The following RNF17 variants were observed in gnomAD, a reference collection of about 807,000 sequenced individuals.
RNF17 encodes ring finger protein 17, also known as spermatogenesis associated 23.
A neutral mutation model predicts 200.5 loss-of-function variants in RNF17; 31 were observed. The observed-to-expected ratio is 0.15, with a 90% CI of 0.12 to 0.21. RNF17 has a LOEUF of 0.21. Among genes scored for constraint, RNF17 ranks in the 10% least tolerant of loss-of-function variants. The pLI is 1.00. For synonymous variants in RNF17, 606 were observed against 637.8 expected, an observed-to-expected ratio of 0.95 and a Z score of 0.75; for missense variants, 1,628 against 1,905.1, an observed-to-expected ratio of 0.85 and a Z score of 2.71.
In RNF17 at chr13:24,851,517, G is replaced by C; in HGVS notation, c.3266G>C (p.Arg1089Pro). 6.2e-7 allele frequency: 1 copy of C among 1,613,734 alleles called. No individual in the cohort carries two copies. The highest frequency in any genetic ancestry group is 1.1e-5 in the South Asian group (1 of 90,920). ...KIFCRDEKGERVDVSKYLIKK... is the reference protein window; with the variant it reads ...KIFCRDEKGEPVDVSKYLIKK... Reference sequence around the variant, plus strand: ...TTCTGCAGAGATGAAAAAGGAGAGCGTGTTGATGTTTCTAAATATTTGATT... The same window carrying C: ...TTCTGCAGAGATGAAAAAGGAGAGCCTGTTGATGTTTCTAAATATTTGATT... The change falls in exon 24 of 36, where the codon CGT (arginine) becomes CCT (proline). Residue 1089 changes from arginine to proline, a missense_variant. Physicochemically the swap from Arg to Pro is moderately radical, Grantham distance 103. Coordinates refer to ENST00000255324, the MANE Select transcript of RNF17 (RefSeq NM_031277.3).
At chr13:24,786,112 C>T (rs1368849114) in intron 6 of RNF17, among the ~76,000 whole-genome samples, 1 of 152,050 alleles carries the variant, frequency 6.6e-6, no homozygotes, top group Non-Finnish European at 1.5e-5. Context: ...TACTGCCTTT[C>T]TTTGTGTTTA....
intron 33 of RNF17, 40 bp downstream of exon 33, chr13:24,874,289 T>TG: frequency 1.3e-6 from 2 of 1,508,248 alleles, no homozygotes; most frequent in Non-Finnish European, 1.8e-6. Context: ...AGATTTCTTT[T>TG]TTTTTAAATA....
At chr13:24,777,961 A>G (rs948285815) in intron 3 of RNF17, among the ~76,000 whole-genome samples, 4 of 152,126 alleles carry the variant, frequency 2.6e-5, no homozygotes, top group Non-Finnish European at 4.4e-5. Flanking sequence ...TAATATTGGT[A>G]TTTAAAATAA....
At chr13:24,776,812 C>G (rs1032949014) in intron 3 of RNF17, among the ~76,000 whole-genome samples, 5 of 152,108 alleles carry the variant, frequency 3.3e-5, no homozygotes, top group African/African-American at 1.2e-4. Flanking sequence ...TAAGACAAAC[C>G]CAATGTTGCC....
At chr13:24,868,777 C>A in intron 31 of RNF17, 61 bp downstream of exon 31, 1 of 897,910 alleles carries the variant, frequency 1.1e-6, no homozygotes, top group East Asian at 2.4e-5. Flanking sequence ...TGGTCTTAAA[C>A]ACTATAAGTG....
chr13:24,764,202 C>G lies in RNF17; in HGVS notation c.-2C>G, dbSNP rs776859084. On this transcript the variant is annotated 5_prime_UTR_variant, in exon 1 of 36. Transcript: ENST00000255324. ...CGGTTGTTCCAGAAGAAAGAGACAG[C>G]GATGGCGGCAGAGGCTTCGAAGACT... 2 of 1,582,380 alleles carry G rather than the reference C, an allele frequency of 1.3e-6. No homozygotes were observed. The highest frequency in any genetic ancestry group is 1.1e-5 in the South Asian group (1 of 88,910).
chr13:24,789,008 A>C (rs1262034219), intron 7 of RNF17, among the ~76,000 whole-genome samples: 1 of 152,178 alleles, frequency 6.6e-6, no homozygotes, highest in African/African-American at 2.4e-5. Flanking sequence ...GTGATGAAAA[A>C]AATGATAAAA....
downstream of RNF17, among the ~76,000 whole-genome samples, chr13:24,882,131 TAG>T (rs375715342): frequency 1.2e-3 from 6 of 5,102 alleles, 3 homozygotes; most frequent in South Asian, 0.028. Flanking sequence ...TACATCTATA[TAG>T]ATAGATACAT....
intron 22 of RNF17, among the ~76,000 whole-genome samples, chr13:24,846,509 A>G (rs915769177): frequency 6.6e-6 from 1 of 152,214 alleles, no homozygotes; most frequent in Non-Finnish European, 1.5e-5. Context: ...AAACAGCTCT[A>G]TCATTAAGTC....
At chr13:24,856,419 CAAA>C (rs60553495) in intron 25 of RNF17, among the ~76,000 whole-genome samples, 4 of 101,606 alleles carry the variant, frequency 3.9e-5, no homozygotes, top group Non-Finnish European at 3.9e-5. Flanking sequence ...GAATCCGTCT[CAAA>C]AAAAAAAAAA....
At chr13:24,804,753 A>G (rs1162639226) in intron 15 of RNF17, among the ~76,000 whole-genome samples, 1 of 152,208 alleles carries the variant, frequency 6.6e-6, no homozygotes, top group Non-Finnish European at 1.5e-5. Context: ...CTGAAAATTT[A>G]CCGATTATTA....
chr13:24,787,584 T>G (rs1381976736), intron 6 of RNF17, among the ~76,000 whole-genome samples: 1 of 152,178 alleles, frequency 6.6e-6, no homozygotes, highest in Admixed American at 6.5e-5. Context: ...TGGGCCTCAG[T>G]GTGGCTTTTT....
intron 1 of RNF17, among the ~76,000 whole-genome samples, chr13:24,764,888 G>GGGTGTGTGT (rs899352115): frequency 1.5e-5 from 2 of 134,092 alleles, no homozygotes; most frequent in Non-Finnish European, 3.3e-5. Context: ...CACCTTGTGG[G>GGGTGTGTGT]GTGTGTGTGT....
chr13:24,761,438 TCTG>T (rs889693573), upstream of RNF17, among the ~76,000 whole-genome samples: 1 of 152,244 alleles, frequency 6.6e-6, no homozygotes, highest in African/African-American at 2.4e-5. Context: ...CTTTCTCTGA[TCTG>T]CTGCTGCTAT....
downstream of RNF17, chr13:24,883,174 T>G: frequency 6.2e-7 from 1 of 1,612,886 alleles, no homozygotes; most frequent in Non-Finnish European, 8.5e-7. Flanking sequence ...CACATGAGGA[T>G]CGTCACAGCT....
At chr13:24,770,855 A>G (rs76803467) in intron 2 of RNF17, among the ~76,000 whole-genome samples, 2,468 of 152,234 alleles carry the variant, frequency 0.016, 66 homozygotes, top group African/African-American at 0.052. Context: ...AATTTTTTTC[A>G]CTATAATTGT....
In RNF17 at chr13:24,807,876, T is replaced by C. The variant is rs1334739860; in HGVS notation, c.2091+3447T>C. Among the ~76,000 whole-genome samples the C allele has an allele frequency of 3.3e-5, 5 of 151,524 alleles. No individual in the cohort carries two copies. In the East Asian group the frequency reaches 9.7e-4, roughly 29 times the overall value. Reference sequence around the variant, plus strand: ...GCTTTCTACATATGGCTAGCCAGTTTTCCCAGCACCATTTATTAAATAGGG... The same window carrying C: ...GCTTTCTACATATGGCTAGCCAGTTCTCCCAGCACCATTTATTAAATAGGG... On this transcript the variant is annotated intron_variant, in intron 15 of 35. Transcript: ENST00000255324.
In RNF17 at chr13:24,824,281, C is replaced by G. The variant is rs1049454450; in HGVS notation, c.2092-1338C>G. ...GAAGAAGAACTTAAAGCTTCCTAATCTATTTTGTTGGCGTCATTCCTCTGC... is the reference window on the plus strand; with the variant it reads ...GAAGAAGAACTTAAAGCTTCCTAATGTATTTTGTTGGCGTCATTCCTCTGC... On this transcript the variant is annotated intron_variant, in intron 15 of 35. Transcript: ENST00000255324. The G allele has an allele frequency of 5.8e-6, 4 of 693,710 alleles. No homozygotes were observed. The African/African-American group carries it at 7.1e-5, about 12-fold the overall frequency. The allele number at this position is 693,710 out of a possible 1,614,324, so 43.0% of individuals were successfully genotyped here.
intron 24 of RNF17, among the ~76,000 whole-genome samples, chr13:24,852,162 G>A (rs1375817184): frequency 1.4e-5 from 2 of 145,084 alleles, no homozygotes; most frequent in East Asian, 2.0e-4. Flanking sequence ...TTTCTGAGAC[G>A]GAGTCTGGCT....
Sources: gnomAD v4.1 joint callset for allele counts (sites outside exome capture counted in the v4.1 genomes callset) on GRCh38, gnomAD v4.1.1 for gene constraint, MANE v1.5 for transcripts, NCBI Gene and HGNC (gene_info 2026-07-23, HGNC 2026-07-21) for gene names.